PTH2R: variants seen among roughly 807,000 people sequenced by gnomAD.
PTH2R encodes parathyroid hormone 2 receptor, also known as PTH2 receptor.
PTH2R carries 59 observed loss-of-function variants against 60.3 expected under a neutral mutation model. That is an observed-to-expected ratio of 0.98 (90% confidence interval 0.79 to 1.22). The LOEUF (loss-of-function observed/expected upper bound fraction) is 1.22. Ranked by LOEUF, PTH2R falls within the 50% of genes most tolerant of loss-of-function variation. PTH2R has a pLI of 0.00. For missense variants in PTH2R, 749 were observed against 682.6 expected (o/e 1.10, Z -1.08); for synonymous variants, 256 against 243.8 (o/e 1.05, Z -0.47).
At chr2:208,434,499 G>C (rs1702034869) in intron 2 of PTH2R, among the ~76,000 whole-genome samples, 1 of 152,094 alleles carries the variant, frequency 6.6e-6, no homozygotes, top group African/African-American at 2.4e-5. Context: ...GAACGAGAAA[G>C]CTGTCCCTTT....
intron 1 of PTH2R, among the ~76,000 whole-genome samples, chr2:208,418,774 C>T (rs1701693216): frequency 6.6e-6 from 1 of 151,970 alleles, no homozygotes; most frequent in South Asian, 2.1e-4. Flanking sequence ...TCAATTTATA[C>T]TCTCTGCATT....
At chr2:208,430,555 T>TC (rs34924378) in intron 2 of PTH2R, among the ~76,000 whole-genome samples, 32,364 of 148,522 alleles carry the variant, frequency 0.22, 3,720 homozygotes, top group South Asian at 0.27. Context: ...TCTTTTTTTT[T>TC]TTTTTTTTTG....
intron 1 of PTH2R, 73 bp from the exon 2 acceptor site, chr2:208,428,128 T>G: frequency 1.8e-6 from 2 of 1,109,762 alleles, no homozygotes; most frequent in Non-Finnish European, 2.7e-6. Context: ...GATTAGAAGG[T>G]GAAATAATGA....
At chr2:208,400,334 A>G (rs1425119745) in intron 1 of PTH2R, among the ~76,000 whole-genome samples, 3 of 152,212 alleles carry the variant, frequency 2.0e-5, no homozygotes, top group Non-Finnish European at 4.4e-5. Flanking sequence ...ATATCCTGAG[A>G]CATACTCAGC....
At chr2:208,459,175 T>C (rs10167699) in intron 8 of PTH2R, among the ~76,000 whole-genome samples, 85,814 of 151,984 alleles carry the variant, frequency 0.56, 25,795 homozygotes, top group Admixed American at 0.66. Context: ...TATCTCATTG[T>C]GGTTTTGATT....
chr2:208,423,477 C>G (rs58410136), intron 1 of PTH2R, among the ~76,000 whole-genome samples: 25,664 of 152,060 alleles, frequency 0.17, 2,774 homozygotes, highest in East Asian at 0.47. Flanking sequence ...GCTTGCAATT[C>G]TTTTAAAATT....
chr2:208,398,025 C>T (rs1380839782), intron 1 of PTH2R, among the ~76,000 whole-genome samples: 1 of 152,164 alleles, frequency 6.6e-6, no homozygotes, highest in African/African-American at 2.4e-5. Context: ...ACTCCTGTAA[C>T]AATGATTACT....
chr2:208,404,477 A>G (rs1159277416), upstream of PTH2R, among the ~76,000 whole-genome samples: 9 of 152,218 alleles, frequency 5.9e-5, no homozygotes, highest in Non-Finnish European at 1.3e-4. Context: ...TTGCATATTA[A>G]TAATTATAAA....
Position 208,408,732 on chromosome 2 carries a change from GAGAGAGAA to G in PTH2R, c.75+1622_75+1629del, listed in dbSNP as rs1264240569. On this transcript the variant is annotated intron_variant, in intron 1 of 12. Coordinates refer to ENST00000272847, the MANE Select transcript of PTH2R (RefSeq NM_005048.4). ...AAAGAGAAGAAAGGAAAGAGAGAGA[GAGAGAGAA>G]AGAGAGAGAGAGAGAGAGAGAGAGA... Among the ~76,000 whole-genome samples the G allele has an allele frequency of 6.0e-3, 330 of 55,102 alleles. 1 individual carries two copies. Among genetic ancestry groups the G allele is most frequent in the African/African-American group, 0.011 (294 of 26,148 alleles). The allele number at this position is 55,102 out of a possible 152,430, so 36.1% of individuals were successfully genotyped here.
intron 1 of PTH2R, among the ~76,000 whole-genome samples, chr2:208,412,395 G>C (rs919871534): frequency 6.6e-6 from 1 of 151,646 alleles, no homozygotes; most frequent in Non-Finnish European, 1.5e-5. Context: ...CTATAATTTG[G>C]CCTTCAGCCT....
intron 1 of PTH2R, among the ~76,000 whole-genome samples, chr2:208,409,481 G>T (rs1468893370): frequency 2.6e-5 from 4 of 152,098 alleles, no homozygotes; most frequent in Non-Finnish European, 5.9e-5. Flanking sequence ...AAATGAGGCT[G>T]GCTTTATTAA....
intron 1 of PTH2R, among the ~76,000 whole-genome samples, chr2:208,362,142 C>T (rs534815138): frequency 6.6e-6 from 1 of 152,296 alleles, no homozygotes; most frequent in South Asian, 2.1e-4. Flanking sequence ...CCTTCAGACT[C>T]CAGAAGTTAT....
intron 1 of PTH2R, among the ~76,000 whole-genome samples, chr2:208,400,057 G>C (rs1701279903): frequency 6.6e-6 from 1 of 152,040 alleles, no homozygotes; most frequent in African/African-American, 2.4e-5. Context: ...TAGGTCTCCA[G>C]TTATAGCACC....
At chr2:208,445,349 A>G (rs960055904) in intron 7 of PTH2R, among the ~76,000 whole-genome samples, 11 of 152,224 alleles carry the variant, frequency 7.2e-5, no homozygotes, top group African/African-American at 2.7e-4. Context: ...AACAAATACA[A>G]ATTACAAACT....
chr2:208,400,416 TG>T (rs1701286384), intron 1 of PTH2R, among the ~76,000 whole-genome samples: 1 of 152,226 alleles, frequency 6.6e-6, no homozygotes, highest in Non-Finnish European at 1.5e-5. Flanking sequence ...TGAAAGGATA[TG>T]TCCTTCGGTG....
At chr2:208,437,910 C>A in intron 4 of PTH2R, 29 bp downstream of exon 4, 1 of 1,597,628 alleles carries the variant, frequency 6.3e-7, no homozygotes, top group South Asian at 1.1e-5. Context: ...TTGTGAATTC[C>A]TAAGGGAAAG....
chr2:208,463,558 A>C (rs1420291458), intron 9 of PTH2R, among the ~76,000 whole-genome samples: 1 of 152,196 alleles, frequency 6.6e-6, no homozygotes, highest in Non-Finnish European at 1.5e-5. Context: ...GATGGGAATA[A>C]TAGTGTAGAT....
chr2:208,391,650 C>A (rs1701110476), intron 1 of PTH2R, among the ~76,000 whole-genome samples: 1 of 152,096 alleles, frequency 6.6e-6, no homozygotes, highest in African/African-American at 2.4e-5. Flanking sequence ...TCACCATATC[C>A]AGGTATCCAC....
In PTH2R at chr2:208,443,762, G is replaced by T. The variant is rs529846513; in HGVS notation, c.699+225G>T. On this transcript the variant is annotated intron_variant, in intron 6 of 12. Coordinates refer to ENST00000272847, the MANE Select transcript of PTH2R (RefSeq NM_005048.4). Reference sequence around the variant, plus strand: ...GGGTTTTTTCCTCAAGAATATTCTGGAATGGAAACTGCAAAATGCACAAGA... The same window carrying T: ...GGGTTTTTTCCTCAAGAATATTCTGTAATGGAAACTGCAAAATGCACAAGA... 1.4e-4 allele frequency among the ~76,000 whole-genome samples: 22 copies of T among 152,152 alleles called. 1 individual carries two copies. In the South Asian group the frequency reaches 4.6e-3, roughly 32 times the overall value.
Sources: allele counts gnomAD v4.1 joint callset (sites outside exome capture counted in the v4.1 genomes callset), GRCh38; gene constraint gnomAD v4.1.1; transcripts MANE v1.5; gene names NCBI Gene and HGNC (gene_info 2026-07-23, HGNC 2026-07-21).